SF3B3: variants seen among roughly 807,000 people sequenced by gnomAD.
SF3B3 encodes the protein SAP 130.
In SF3B3, 33 loss-of-function variants were observed where a neutral mutation model predicts 139.2. That is an observed-to-expected ratio of 0.24 (90% CI 0.18 to 0.32). The LOEUF is 0.32. SF3B3 is among the 10% of genes least tolerant of loss of function. The pLI is 1.00. For synonymous variants in SF3B3, 596 were observed against 563.6 expected (o/e 1.06, Z -0.81); for missense variants, 818 against 1,509.4 (o/e 0.54, Z 7.59).
At chr16:70,563,198 A>C (rs1010870767) in intron 17 of SF3B3, among the ~76,000 whole-genome samples, 4 of 152,106 alleles carry the variant, frequency 2.6e-5, no homozygotes, top group African/African-American at 9.7e-5. Flanking sequence ...TTGAACTCCT[A>C]GCCTTAGGTG....
At chr16:70,570,455 C>T (rs2050518615) in intron 24 of SF3B3, among the ~76,000 whole-genome samples, 2 of 151,730 alleles carry the variant, frequency 1.3e-5, no homozygotes, top group African/African-American at 2.4e-5. Flanking sequence ...CTCAGCCTCC[C>T]AAGTAGCTGG....
At chr16:70,537,779 C>T (rs2050181983) in intron 6 of SF3B3, among the ~76,000 whole-genome samples, 2 of 152,086 alleles carry the variant, frequency 1.3e-5, no homozygotes, top group African/African-American at 2.4e-5. Context: ...CTGTTGGAAA[C>T]GTTAAAAAAC....
At chr16:70,541,030 A>G (rs890882880) in intron 8 of SF3B3, among the ~76,000 whole-genome samples, 1 of 152,212 alleles carries the variant, frequency 6.6e-6, no homozygotes, top group African/African-American at 2.4e-5. Context: ...AAACTTTCTC[A>G]TAGCAGCCAC....
intron 15 of SF3B3, among the ~76,000 whole-genome samples, chr16:70,557,516 G>C (rs1006828051): frequency 1.3e-5 from 2 of 152,164 alleles, no homozygotes; most frequent in African/African-American, 4.8e-5. Flanking sequence ...TATTGACTCA[G>C]ACATCTAAGT....
intron 9 of SF3B3, among the ~76,000 whole-genome samples, chr16:70,544,041 A>G (rs997752208): frequency 2.6e-5 from 4 of 152,192 alleles, no homozygotes; most frequent in African/African-American, 9.7e-5. Context: ...TTTTAAATGC[A>G]TATGAAAATA....
chr16:70,557,883 A>C (rs1193108510), intron 15 of SF3B3, among the ~76,000 whole-genome samples: 1 of 152,170 alleles, frequency 6.6e-6, no homozygotes, highest in Non-Finnish European at 1.5e-5. Context: ...TACTAGTATT[A>C]TCATGCTCAG....
chr16:70,563,128 T>C (rs2050445146), intron 17 of SF3B3, among the ~76,000 whole-genome samples: 1 of 119,766 alleles, frequency 8.3e-6, no homozygotes, highest in Non-Finnish European at 1.8e-5. Flanking sequence ...CCACCATACA[T>C]GGCTTTTTTT....
intron 4 of SF3B3, 112 bp from the exon 5 acceptor site, chr16:70,532,367 A>AAAAAAAAAAAAG: frequency 1.2e-6 from 1 of 839,006 alleles, no homozygotes; most frequent in South Asian, 1.9e-5. Context: ...CAAAAAAAAA[A>AAAAAAAAAAAAG]GAAGACATTT....
In SF3B3 at chr16:70,539,238, C is replaced by T. The variant is rs775989650; in HGVS notation, c.1067+31C>T. 4.0e-6 allele frequency: 6 copies of T among 1,500,288 alleles called. No individual in the cohort carries two copies. The Admixed American group carries it at 1.0e-4, about 25-fold the overall frequency. The allele number at this position is 1,500,288 out of a possible 1,614,324, so 92.9% of individuals were successfully genotyped here. On this transcript the variant is annotated intron_variant, in intron 8 of 25. Transcript: ENST00000302516. ...TAATCCTTCTGTTACCCTAGTTCACCCTGGTTGGGATAAAAGTTGGCAGCA... is the reference window on the plus strand; with the variant it reads ...TAATCCTTCTGTTACCCTAGTTCACTCTGGTTGGGATAAAAGTTGGCAGCA...
At chr16:70,567,609 A>AT in intron 21 of SF3B3, 73 bp downstream of exon 21, 2 of 1,510,880 alleles carry the variant, frequency 1.3e-6, no homozygotes, top group Non-Finnish European at 1.8e-6. Context: ...GGTGGTGGGC[A>AT]TTGAGTTTTA....
At chr16:70,549,383 G>A (rs1436855329) in intron 11 of SF3B3, among the ~76,000 whole-genome samples, 1 of 152,148 alleles carries the variant, frequency 6.6e-6, no homozygotes, top group Non-Finnish European at 1.5e-5. Context: ...TGAGTAGAAA[G>A]GGAAAATTGT....
In SF3B3 at chr16:70,530,837, A is replaced by G; in HGVS notation, c.490A>G (p.Asn164Asp). 6.2e-7 allele frequency: 1 copy of G among 1,614,160 alleles called. No individual in the cohort carries two copies. Among genetic ancestry groups the G allele is most frequent in the Non-Finnish European group, 8.5e-7 (1 of 1,180,000 alleles). Residue 164 changes from asparagine to aspartate, a missense_variant, in exon 4 of 26, where the codon AAC (asparagine) becomes GAC (aspartate). By Grantham distance (23) the Asn-to-Asp change is conservative (BLOSUM62 1). Around this residue, in one of 14 missense-constraint regions of SF3B3, gnomAD observed 144 missense variants for 259.2 expected, o/e 0.56. Coordinates refer to ENST00000302516, the MANE Select transcript of SF3B3 (RefSeq NM_012426.5). ...ATCTCCCCTGGAAGCCCACAAAGCA[A>G]ACACTTTAGTGTATCATGTAGTTGG... ...ISSPLEAHKA[N>D]TLVYHVVGVD... is the part of the protein sequence containing the mutation.
chr16:70,568,198 G>A (rs1009395291), intron 21 of SF3B3, 85 bp from the exon 22 acceptor site: 11 of 1,018,952 alleles, frequency 1.1e-5, no homozygotes, highest in African/African-American at 6.3e-5. Context: ...CTGACCCTAC[G>A]TATGTCATAC....
intron 1 of SF3B3, chr16:70,524,603 TC>T (rs2050033617): frequency 6.6e-6 from 1 of 151,698 alleles, no homozygotes; most frequent in African/African-American, 2.4e-5. Context: ...CATCTCTGCC[TC>T]CCGGGTTCCA....
chr16:70,545,906 A>G (rs1346064674), intron 10 of SF3B3, among the ~76,000 whole-genome samples: 1 of 152,200 alleles, frequency 6.6e-6, no homozygotes, highest in African/African-American at 2.4e-5. Context: ...GTCTCTGCCA[A>G]AATATATTCA....
At position 70,535,440 on chromosome 16, in the gene SF3B3, AAG is replaced by A; in HGVS notation, c.825+28_825+29del. The stretch of plus-strand genomic sequence containing the variant: ...AGGCGGGTAAGATCTTTGATATAAG[AAG>A]AGAGAGATTTGTGTTTAATTTTTGT... On this transcript the variant is annotated intron_variant, in intron 6 of 25. Transcript: ENST00000302516. 7.3e-7 allele frequency: 1 copy of A among 1,365,968 alleles called. No individual in the cohort carries two copies. Among genetic ancestry groups the A allele is most frequent in the Non-Finnish European group, 1.0e-6 (1 of 963,522 alleles). The allele number at this position is 1,365,968 out of a possible 1,614,324, so 84.6% of individuals were successfully genotyped here.
chr16:70,536,259 C>A (rs554808677), intron 6 of SF3B3, among the ~76,000 whole-genome samples: 13 of 152,164 alleles, frequency 8.5e-5, no homozygotes, highest in African/African-American at 1.7e-4. Context: ...CCTCTGCCCC[C>A]CGGGTTCAAG....
At chr16:70,553,266 G>A (rs995933490) in intron 11 of SF3B3, among the ~76,000 whole-genome samples, 1 of 151,912 alleles carries the variant, frequency 6.6e-6, no homozygotes, top group Non-Finnish European at 1.5e-5. Flanking sequence ...AAAGAATGCT[G>A]ATTCTGCAGA....
intron 14 of SF3B3, chr16:70,556,562 C>G: frequency 1.6e-6 from 1 of 614,854 alleles, no homozygotes; most frequent in Non-Finnish European, 2.8e-6. Context: ...TGGCTTAAGC[C>G]TCAACTCCTT....
Sources: allele counts gnomAD v4.1 joint callset (sites outside exome capture counted in the v4.1 genomes callset), GRCh38; gene constraint gnomAD v4.1.1; regional missense constraint gnomAD v4.1.1; transcripts MANE v1.5; gene names NCBI Gene and HGNC (gene_info 2026-07-23, HGNC 2026-07-21).